Variants in CD300LF observed in about 807,000 individuals in gnomAD.
CD300LF encodes the protein CD300 molecule like family member f, also known as CMRF35-like molecule 1.
CD300LF carries 27 observed loss-of-function variants against 32.2 expected under a neutral mutation model. That is an observed-to-expected ratio of 0.84 (90% CI 0.62 to 1.15). The LOEUF (loss-of-function observed/expected upper bound fraction) is 1.15. Among genes scored for constraint, CD300LF ranks in the 50% most tolerant of loss-of-function variants. The pLI, the probability that CD300LF is intolerant of heterozygous loss-of-function variation, is 0.00. For missense variants in CD300LF, 348 were observed against 356.8 expected, an observed-to-expected ratio of 0.98 and a Z score of 0.20; for synonymous variants, 139 against 143.2, an observed-to-expected ratio of 0.97 and a Z score of 0.21.
At chr17:74,707,716 G>GAA (rs201223906) in intron 1 of CD300LF, among the ~76,000 whole-genome samples, 18 of 102,430 alleles carry the variant, frequency 1.8e-4, no homozygotes, top group East Asian at 2.6e-4. Context: ...CTCCATCTCA[G>GAA]AAAAAAAAAA....
intron 1 of CD300LF, among the ~76,000 whole-genome samples, chr17:74,711,625 C>A (rs1015815913): frequency 6.6e-6 from 1 of 152,180 alleles, no homozygotes; most frequent in East Asian, 1.9e-4. Flanking sequence ...CGTGCCCAGT[C>A]CAAGCTCATT....
rs532252624 is a variant in CD300LF, at chr17:74,700,584, T to C, written c.447-2103A>G. Among the ~76,000 whole-genome samples, 74 of 152,126 alleles carry C rather than the reference T, an allele frequency of 4.9e-4. 2 individuals carry two copies. The highest frequency in any genetic ancestry group is 1.2e-3 in the East Asian group (6 of 5,168). ...GGCAAAACCCCATCTCTACTAAAAATACAAAATAACAGCCGGGTGTGGTGG... is the reference window on the plus strand; with the variant it reads ...GGCAAAACCCCATCTCTACTAAAAACACAAAATAACAGCCGGGTGTGGTGG... On this transcript the variant is annotated intron_variant, in intron 3 of 6. Transcript: ENST00000326165.
intron 3 of CD300LF, among the ~76,000 whole-genome samples, chr17:74,702,055 T>A (rs996076413): frequency 8.9e-5 from 13 of 146,334 alleles, no homozygotes; most frequent in East Asian, 3.9e-4. Flanking sequence ...AAGTTTAATT[T>A]AAAAAAAAAA....
At chr17:74,696,087 C>A (rs1386559801) in intron 5 of CD300LF, 108 bp downstream of exon 5, 21 of 1,428,354 alleles carry the variant, frequency 1.5e-5, no homozygotes, top group Non-Finnish European at 9.5e-6. Flanking sequence ...GGACAGGATA[C>A]TTTGGCACAG....
chr17:74,696,508 C>T (rs2032492190), intron 4 of CD300LF, among the ~76,000 whole-genome samples: 1 of 152,236 alleles, frequency 6.6e-6, no homozygotes, highest in African/African-American at 2.4e-5. Context: ...CAGCCATCGG[C>T]TCCCCTGGGA....
At chr17:74,711,220 T>C (rs1238666523) in intron 1 of CD300LF, among the ~76,000 whole-genome samples, 1 of 152,094 alleles carries the variant, frequency 6.6e-6, no homozygotes, top group Admixed American at 6.6e-5. Flanking sequence ...AGGTTCACAG[T>C]GGTATCCGGG....
At chr17:74,711,916 T>C (rs1295949377) in intron 1 of CD300LF, among the ~76,000 whole-genome samples, 1 of 149,172 alleles carries the variant, frequency 6.7e-6, no homozygotes, top group African/African-American at 2.5e-5. Context: ...CTTTTTTTTT[T>C]TTTTTTGAAA....
chr17:74,700,164 T>C lies in CD300LF; in HGVS notation c.447-1683A>G, dbSNP rs183885668. 1.5e-4 allele frequency among the ~76,000 whole-genome samples: 23 copies of C among 149,808 alleles called. No homozygotes were observed. In the East Asian group the frequency reaches 2.6e-3, roughly 17 times the overall value. ...CTCAATAAATAAATAAATAAATAAA[T>C]AAATAAACAAACAAACAAACAATCA... On this transcript the variant is annotated intron_variant, in intron 3 of 6. Transcript: ENST00000326165.
Position 74,694,647 on chromosome 17 carries a change from A to T in CD300LF, c.*449T>A, listed in dbSNP as rs1012178406. The T allele has an allele frequency of 2.0e-5, 3 of 153,246 alleles. No homozygotes were observed. Among genetic ancestry groups the T allele is most frequent in the African/African-American group, 7.2e-5 (3 of 41,444 alleles). 9.5% of individuals were successfully genotyped at this position (153,246 alleles called of 1,614,324 possible). A position where few individuals can be genotyped will look rare whatever the true frequency, so the allele number is the denominator to read the frequency against. On this transcript the variant is annotated 3_prime_UTR_variant, in exon 7 of 7. Coordinates refer to ENST00000326165, the MANE Select transcript of CD300LF (RefSeq NM_139018.5). The stretch of plus-strand genomic sequence containing the variant: ...CTATCTCAAAGTCCTTAACTTACAT[A>T]CATCTGCACTGTCCCTTTCTGCCAC...
In CD300LF at chr17:74,698,407, G is replaced by A; in HGVS notation, c.521C>T (p.Ser174Leu). 7 of 1,613,988 alleles carry A rather than the reference G, an allele frequency of 4.3e-6. No individual in the cohort carries two copies. Among genetic ancestry groups the A allele is most frequent in the Non-Finnish European group, 5.9e-6 (7 of 1,179,970 alleles). ...TILLLLLVAA[S>L]LLAWRMMKYQ... ...CTTCATCATCCTCCAAGCCAAGAGT[G>A]AGGCGGCCACCAAAAGCAGCAGCAA... Residue 174 changes from serine (S) to leucine (L), a missense_variant, in exon 4 of 7, where the codon TCA becomes TTA. By Grantham distance (145) the Ser-to-Leu change is moderately radical. Coordinates refer to ENST00000326165, the MANE Select transcript of CD300LF (RefSeq NM_139018.5).
At chr17:74,704,356 C>T (rs2033333090) in intron 2 of CD300LF, 122 bp downstream of exon 2, 1 of 746,104 alleles carries the variant, frequency 1.3e-6, no homozygotes. Flanking sequence ...AGTCAGGGTT[C>T]TATGAGACTC....
At chr17:74,699,889 C>G (rs1285166882) in intron 3 of CD300LF, among the ~76,000 whole-genome samples, 1 of 152,028 alleles carries the variant, frequency 6.6e-6, no homozygotes, top group Non-Finnish European at 1.5e-5. Context: ...ACCTGTAATC[C>G]CAGCAACTTG....
intron 4 of CD300LF, among the ~76,000 whole-genome samples, chr17:74,696,968 T>C (rs897637310): frequency 2.0e-5 from 3 of 151,992 alleles, no homozygotes; most frequent in African/African-American, 7.3e-5. Context: ...TGAGATGGAG[T>C]TTCTCTCTTG....
In CD300LF at chr17:74,695,891, A is replaced by C. The variant is rs151168048; in HGVS notation, c.583-32T>G. 13,319 of 1,603,262 alleles carry C rather than the reference A, an allele frequency of 8.3e-3. 74 individuals carry two copies. The highest frequency in any genetic ancestry group is 0.018 in the Middle Eastern group (105 of 5,988). ...CAGGGAACACAGGCTGGGGAGTCAC[A>C]AGATCTGTCTGTGGACACAGGTTCC... On this transcript the variant is annotated intron_variant, in intron 5 of 6. Transcript: ENST00000326165.
rs759263296 is a variant in CD300LF, at chr17:74,695,818, C to A, written c.624G>T (p.Leu208=). ...PLEGDLCYAD[L]TLQLAGTSPQ... is the part of the protein sequence containing the mutation. Reference sequence around the variant, plus strand: ...GGGAGGTTCCGGCCAGCTGCAGGGTCAGGTCTGCATAGCAGAGGTCGCCCT... The same window carrying A: ...GGGAGGTTCCGGCCAGCTGCAGGGTAAGGTCTGCATAGCAGAGGTCGCCCT... Residue 208 remains leucine (L), a synonymous_variant, in exon 6 of 7, where the codon CTG becomes CTT. Coordinates refer to ENST00000326165, the MANE Select transcript of CD300LF (RefSeq NM_139018.5). 6.2e-7 allele frequency: 1 copy of A among 1,614,140 alleles called. No individual in the cohort carries two copies. Among genetic ancestry groups the A allele is most frequent in the East Asian group, 2.2e-5 (1 of 44,868 alleles).
At chr17:74,707,434 G>T (rs1035033996) in intron 1 of CD300LF, among the ~76,000 whole-genome samples, 1 of 152,148 alleles carries the variant, frequency 6.6e-6, no homozygotes, top group Non-Finnish European at 1.5e-5. Context: ...ACCAAAAGAG[G>T]GTCAGGCACA....
intron 4 of CD300LF, among the ~76,000 whole-genome samples, chr17:74,697,551 CA>C: frequency 6.6e-6 from 1 of 152,308 alleles, no homozygotes; most frequent in Middle Eastern, 3.4e-3. Context: ...AAAGATTTCC[CA>C]GGCTGTGGGG....
intron 2 of CD300LF, among the ~76,000 whole-genome samples, chr17:74,704,152 T>G (rs1226577406): frequency 5.3e-5 from 8 of 152,186 alleles, no homozygotes; most frequent in Non-Finnish European, 1.0e-4. Flanking sequence ...TGGCAAGGAC[T>G]GGGGTCTCTG....
intron 3 of CD300LF, among the ~76,000 whole-genome samples, chr17:74,701,826 G>A (rs1334908636): frequency 6.7e-6 from 1 of 149,692 alleles, no homozygotes; most frequent in Non-Finnish European, 1.5e-5. Flanking sequence ...CTCCAACCTG[G>A]GCAACAGAGT....
Sources: allele counts gnomAD v4.1 joint callset (sites outside exome capture counted in the v4.1 genomes callset), GRCh38; gene constraint gnomAD v4.1.1; transcripts MANE v1.5; gene names NCBI Gene and HGNC (gene_info 2026-07-23, HGNC 2026-07-21).